Variants in CADM2 observed in about 807,000 individuals in gnomAD.
The protein encoded by CADM2 is immunoglobulin superfamily member 4D.
A neutral mutation model predicts 49.8 loss-of-function variants in CADM2; 12 were observed. The observed-to-expected ratio is 0.24, with a 90% CI of 0.15 to 0.39. CADM2 has a LOEUF of 0.39. CADM2 is among the 10% of genes least tolerant of loss of function. The probability of loss-of-function intolerance (pLI) is 1.00; values close to 1 mark genes in which losing one functional copy is unlikely to be tolerated. For synonymous variants in CADM2, 214 were observed against 175.4 expected, an observed-to-expected ratio of 1.22 and a Z score of -1.74; for missense variants, 378 against 492.3, an observed-to-expected ratio of 0.77 and a Z score of 2.20.
At chr3:85,122,771 C>T (rs1307516217) in intron 1 of CADM2, among the ~76,000 whole-genome samples, 1 of 152,028 alleles carries the variant, frequency 6.6e-6, no homozygotes, top group Non-Finnish European at 1.5e-5. Flanking sequence ...ATAGTATCAC[C>T]TAGACCCTCA....
chr3:85,121,793 C>T (rs1027070219), intron 1 of CADM2, among the ~76,000 whole-genome samples: 26 of 152,206 alleles, frequency 1.7e-4, no homozygotes, highest in African/African-American at 5.8e-4. Flanking sequence ...CTTCTTAAGC[C>T]TCCTACTCAA....
intron 1 of CADM2, among the ~76,000 whole-genome samples, chr3:85,267,441 G>A: frequency 6.6e-6 from 1 of 151,632 alleles, no homozygotes; most frequent in East Asian, 1.9e-4. Context: ...ATATCCTTCA[G>A]ATAGTTACTC....
At chr3:85,595,019 G>C (rs77952467) in intron 1 of CADM2, among the ~76,000 whole-genome samples, 7,812 of 151,940 alleles carry the variant, frequency 0.051, 682 homozygotes, top group African/African-American at 0.17. Context: ...AATTTAAAAG[G>C]GGAAAATTTT....
At chr3:85,075,598 T>A in intron 1 of CADM2, among the ~76,000 whole-genome samples, 1 of 152,280 alleles carries the variant, frequency 6.6e-6, no homozygotes, top group South Asian at 2.1e-4. Context: ...ATTCTCAGTT[T>A]GTTTGTTCTT....
chr3:85,793,450 A>G (rs951240530), intron 2 of CADM2, among the ~76,000 whole-genome samples: 3 of 152,174 alleles, frequency 2.0e-5, no homozygotes, highest in African/African-American at 7.2e-5. Flanking sequence ...AAAGCTAAAA[A>G]TACGCACAGA....
chr3:85,515,421 G>C (rs111770102), intron 1 of CADM2, among the ~76,000 whole-genome samples: 7 of 64,612 alleles, frequency 1.1e-4, no homozygotes, highest in South Asian at 1.3e-3. Context: ...TTGTTTGTTT[G>C]TTTCTTTTTT....
chr3:85,450,155 C>T (rs926060670), intron 1 of CADM2, among the ~76,000 whole-genome samples: 12 of 152,040 alleles, frequency 7.9e-5, no homozygotes, highest in African/African-American at 2.4e-4. Context: ...CAACTAAAGA[C>T]GAACCCTTGC....
At chr3:85,367,405 A>G (rs1175275004) in intron 1 of CADM2, among the ~76,000 whole-genome samples, 5 of 151,932 alleles carry the variant, frequency 3.3e-5, no homozygotes, top group Admixed American at 3.3e-4. Flanking sequence ...GGCTAGATAA[A>G]TCACCCTCTC....
chr3:85,561,310 A>C (rs2062089545), intron 1 of CADM2, among the ~76,000 whole-genome samples: 1 of 152,168 alleles, frequency 6.6e-6, no homozygotes, highest in Non-Finnish European at 1.5e-5. Context: ...AATAAACTTT[A>C]AATAAGAATA....
intron 1 of CADM2, among the ~76,000 whole-genome samples, chr3:85,569,503 T>A (rs989152355): frequency 2.6e-5 from 4 of 152,148 alleles, no homozygotes; most frequent in Non-Finnish European, 5.9e-5. Flanking sequence ...CCCAATTATC[T>A]TGCAAAATCA....
chr3:85,610,357 A>G (rs2063648422), intron 1 of CADM2, among the ~76,000 whole-genome samples: 1 of 151,980 alleles, frequency 6.6e-6, no homozygotes, highest in Admixed American at 6.6e-5. Context: ...GTTTTTAAAA[A>G]ATTATTCTTT....
chr3:85,117,124 G>C (rs2038666893), intron 1 of CADM2, among the ~76,000 whole-genome samples: 1 of 152,100 alleles, frequency 6.6e-6, no homozygotes, highest in Non-Finnish European at 1.5e-5. Flanking sequence ...GGAAGGCTGA[G>C]GCAGGAAGAT....
intron 1 of CADM2, among the ~76,000 whole-genome samples, chr3:85,363,362 A>T (rs971204594): frequency 1.3e-5 from 2 of 152,172 alleles, no homozygotes; most frequent in Non-Finnish European, 2.9e-5. Flanking sequence ...ACAAAATATA[A>T]TGCAAACAGA....
intron 1 of CADM2, among the ~76,000 whole-genome samples, chr3:85,020,210 G>A (rs1008786179): frequency 6.6e-6 from 1 of 151,914 alleles, no homozygotes; most frequent in Non-Finnish European, 1.5e-5. Flanking sequence ...GTTGCCTGGT[G>A]GTTTCAATGA....
chr3:85,466,891 C>T (rs1475476916), intron 1 of CADM2, among the ~76,000 whole-genome samples: 1 of 151,990 alleles, frequency 6.6e-6, no homozygotes, highest in Non-Finnish European at 1.5e-5. Context: ...TTACTTTTCT[C>T]TCACATTCTT....
intron 1 of CADM2, among the ~76,000 whole-genome samples, chr3:85,641,654 C>T (rs966584916): frequency 1.2e-4 from 18 of 152,070 alleles, no homozygotes; most frequent in African/African-American, 3.4e-4. Context: ...GGGCCGGGCA[C>T]GGTGGCTCAT....
intron 1 of CADM2, among the ~76,000 whole-genome samples, chr3:85,600,586 G>A (rs1352775556): frequency 6.6e-6 from 1 of 151,740 alleles, no homozygotes; most frequent in African/African-American, 2.4e-5. Context: ...AAGTTGATCA[G>A]AAGTAAGGAT....
chr3:85,127,951 T>C (rs1405250757), intron 1 of CADM2, among the ~76,000 whole-genome samples: 1 of 152,160 alleles, frequency 6.6e-6, no homozygotes, highest in Non-Finnish European at 1.5e-5. Flanking sequence ...TTAAATTTAA[T>C]TAAATAAAAT....
At chr3:85,951,681 T>C (rs1723440366) in intron 7 of CADM2, among the ~76,000 whole-genome samples, 1 of 151,056 alleles carries the variant, frequency 6.6e-6, no homozygotes, top group African/African-American at 2.4e-5. Flanking sequence ...GATACAGTAA[T>C]GAAATTTACT....
Sources: allele counts gnomAD v4.1 joint callset (sites outside exome capture counted in the v4.1 genomes callset), GRCh38; gene constraint gnomAD v4.1.1; transcripts MANE v1.5; gene names NCBI Gene and HGNC (gene_info 2026-07-23, HGNC 2026-07-21).